Variants in MAPK10 observed in about 807,000 individuals in gnomAD.
MAPK10 encodes mitogen-activated protein kinase 10.
MAPK10 carries 25 observed loss-of-function variants against 59.3 expected under a neutral mutation model. That is an observed-to-expected ratio of 0.42 (90% confidence interval 0.31 to 0.59). MAPK10 has a LOEUF of 0.59. Ranked by LOEUF, MAPK10 falls within the 20% of genes least tolerant of loss-of-function variation. The probability of loss-of-function intolerance (pLI) is 0.15; values close to 1 mark genes in which losing one functional copy is unlikely to be tolerated. For missense variants in MAPK10, 351 were observed against 568.9 expected (o/e 0.62, Z 3.90); for synonymous variants, 190 against 200.5 (o/e 0.95, Z 0.44).
At chr4:86,285,634 C>A (rs1282623919) in intron 2 of MAPK10, among the ~76,000 whole-genome samples, 1 of 152,026 alleles carries the variant, frequency 6.6e-6, no homozygotes. Context: ...TTTAAAGAAG[C>A]CTAACATCTA....
chr4:86,078,180 A>C (rs2049899894), intron 9 of MAPK10, among the ~76,000 whole-genome samples: 2 of 152,226 alleles, frequency 1.3e-5, no homozygotes, highest in Admixed American at 1.3e-4. Context: ...TATACTAAAA[A>C]GTCTCTTGTG....
chr4:86,169,785 A>T (rs1179094517), intron 3 of MAPK10, among the ~76,000 whole-genome samples: 2 of 152,040 alleles, frequency 1.3e-5, no homozygotes, highest in South Asian at 4.2e-4. Context: ...AGTTGAAATG[A>T]AGGAAAAAAT....
chr4:86,363,179 A>G (rs1303867323), upstream of MAPK10, among the ~76,000 whole-genome samples: 1 of 152,206 alleles, frequency 6.6e-6, no homozygotes, highest in African/African-American at 2.4e-5. Context: ...ACAGAGATAA[A>G]TAAATACAAA....
chr4:86,356,043 T>TCACACACACACACACA (rs34547847), intron 1 of MAPK10, among the ~76,000 whole-genome samples: 2 of 149,114 alleles, frequency 1.3e-5, no homozygotes, highest in African/African-American at 2.5e-5. Context: ...TTGTTTTTCT[T>TCACACACACACACACA]CACACACACA....
At chr4:86,418,977 G>A (rs955148676) in intron 1 of MAPK10, among the ~76,000 whole-genome samples, 2 of 152,108 alleles carry the variant, frequency 1.3e-5, no homozygotes, top group African/African-American at 4.8e-5. Context: ...GGATAAGAAC[G>A]GTATAATGAA....
intron 1 of MAPK10, among the ~76,000 whole-genome samples, chr4:86,542,839 C>G (rs1645572460): frequency 6.6e-6 from 1 of 152,146 alleles, no homozygotes; most frequent in Non-Finnish European, 1.5e-5. Context: ...ATCTTGTTTT[C>G]ATGCAATCTC....
intron 2 of MAPK10, among the ~76,000 whole-genome samples, chr4:86,299,369 C>G (rs1022618663): frequency 3.9e-5 from 6 of 152,094 alleles, no homozygotes; most frequent in Non-Finnish European, 1.5e-5. Context: ...AGTGATGATA[C>G]TTTTTCAGAG....
rs551975143 is a variant in MAPK10, at chr4:86,303,419, G to A, written c.-7+51111C>T. On this transcript the variant is annotated intron_variant, in intron 2 of 13. Transcript: ENST00000641462. ...ATGTGCTATATGCTTGGCAAAGGAA[G>A]AAGTGATATAAAGATGAAAAAAAAA... 9.2e-5 allele frequency among the ~76,000 whole-genome samples: 14 copies of A among 152,122 alleles called. No individual in the cohort carries two copies. The South Asian group carries it at 2.9e-3, about 32-fold the overall frequency.
rs927185481 is a variant in MAPK10 at position 86,354,518 on chromosome 4, T to C, written c.-7+12A>G. ...TTTCATGCTAAGGAATATTTTTAAA[T>C]TGGCAACTCACCACAGCTTGTATGG... On this transcript the variant is annotated intron_variant, in intron 2 of 13. Transcript: ENST00000641462. 3.4e-6 allele frequency: 4 copies of C among 1,160,204 alleles called. No individual in the cohort carries two copies. The highest frequency in any genetic ancestry group is 3.2e-5 in the East Asian group (1 of 31,332). 71.9% of individuals were successfully genotyped at this position (1,160,204 alleles called of 1,614,324 possible).
At position 86,544,430 on chromosome 4, in the gene MAPK10, C is replaced by T. The variant is rs1758981831; in HGVS notation, c.-263+49480G>A. Among the ~76,000 whole-genome samples the T allele has an allele frequency of 2.0e-5, 3 of 152,312 alleles. No homozygotes were observed. The South Asian group carries it at 6.2e-4, about 32-fold the overall frequency. The stretch of plus-strand genomic sequence containing the variant: ...TTGTAGTTACTGCCTACATACTATT[C>T]TTACTGGAAATGGAGCAGTGTAGGA... On this transcript the variant is annotated intron_variant, in intron 1 of 4. Coordinates refer to the MAPK10 transcript ENST00000502302.
intron 1 of MAPK10, among the ~76,000 whole-genome samples, chr4:86,510,804 C>T (rs550263057): frequency 2.6e-5 from 4 of 152,092 alleles, no homozygotes; most frequent in South Asian, 2.1e-4. Context: ...AAATATAGCA[C>T]GTTCTCATTC....
At chr4:86,578,546 G>A (rs1762049297) in intron 1 of MAPK10, among the ~76,000 whole-genome samples, 1 of 152,176 alleles carries the variant, frequency 6.6e-6, no homozygotes, top group African/African-American at 2.4e-5. Context: ...GTGCTTTTGT[G>A]TGTTGTTTTT....
chr4:86,464,694 C>A (rs1286592831), intron 1 of MAPK10, among the ~76,000 whole-genome samples: 1 of 152,104 alleles, frequency 6.6e-6, no homozygotes, highest in Non-Finnish European at 1.5e-5. Flanking sequence ...GTGGCGGGCA[C>A]CTCTAGTCCC....
At chr4:86,208,185 T>C (rs2084701512) in intron 2 of MAPK10, among the ~76,000 whole-genome samples, 1 of 152,008 alleles carries the variant, frequency 6.6e-6, no homozygotes, top group Non-Finnish European at 1.5e-5. Flanking sequence ...TACCATTCCT[T>C]CTGAAACTAT....
At chr4:86,167,430 G>A (rs988241447) in intron 3 of MAPK10, among the ~76,000 whole-genome samples, 8 of 152,144 alleles carry the variant, frequency 5.3e-5, no homozygotes, top group African/African-American at 1.7e-4. Flanking sequence ...GAAAACTTAA[G>A]GCCAATATTC....
At chr4:86,121,634 C>T (rs1335715273) in intron 4 of MAPK10, among the ~76,000 whole-genome samples, 1 of 151,698 alleles carries the variant, frequency 6.6e-6, no homozygotes, top group Non-Finnish European at 1.5e-5. Context: ...TGGTATAAAC[C>T]ATCATATTTT....
chr4:86,270,786 T>A (rs187185329), intron 2 of MAPK10, among the ~76,000 whole-genome samples: 5 of 152,256 alleles, frequency 3.3e-5, no homozygotes, highest in Admixed American at 3.3e-4. Context: ...GAGTACTTTT[T>A]TGTGCCTGGC....
At chr4:86,147,824 A>C (rs1269209687) in intron 4 of MAPK10, among the ~76,000 whole-genome samples, 1 of 152,220 alleles carries the variant, frequency 6.6e-6, no homozygotes, top group African/African-American at 2.4e-5. Context: ...ATTTAAGAGA[A>C]AGTTAGACTT....
At chr4:86,103,633 A>G (rs1369847320) in intron 5 of MAPK10, among the ~76,000 whole-genome samples, 1 of 152,062 alleles carries the variant, frequency 6.6e-6, no homozygotes, top group Non-Finnish European at 1.5e-5. Flanking sequence ...GCAAGGGGAT[A>G]CTTCTCCAAA....
Sources: allele counts gnomAD v4.1 joint callset (sites outside exome capture counted in the v4.1 genomes callset), GRCh38; gene constraint gnomAD v4.1.1; transcripts MANE v1.5; gene names NCBI Gene and HGNC (gene_info 2026-07-23, HGNC 2026-07-21).